The following DLGAP2 variants were observed in gnomAD, a reference collection of about 807,000 sequenced individuals.
The protein encoded by DLGAP2 is DLG associated protein 2.
A neutral mutation model predicts 100.3 loss-of-function variants in DLGAP2; 26 were observed. The observed-to-expected ratio is 0.26, with a 90% confidence interval of 0.19 to 0.36. The LOEUF (loss-of-function observed/expected upper bound fraction) is 0.36, where lower values mean the gene tolerates loss of function less well. DLGAP2 is among the 10% of genes least tolerant of loss of function. The pLI, the probability that DLGAP2 is intolerant of heterozygous loss-of-function variation, is 1.00. For missense variants in DLGAP2, 1,858 were observed against 1,453.2 expected, an observed-to-expected ratio of 1.28 and a Z score of -4.53; for synonymous variants, 886 against 630.1, an observed-to-expected ratio of 1.41 and a Z score of -6.08.
chr8:1,368,128 C>T (rs115914809), intron 3 of DLGAP2, among the ~76,000 whole-genome samples: 5 of 152,142 alleles, frequency 3.3e-5, no homozygotes, highest in African/African-American at 4.8e-5. Flanking sequence ...TAGGCATGTG[C>T]GTGTATGCAT....
At chr8:1,176,465 G>C (rs1041847114) in intron 2 of DLGAP2, among the ~76,000 whole-genome samples, 1 of 152,206 alleles carries the variant, frequency 6.6e-6, no homozygotes, top group East Asian at 1.9e-4. Flanking sequence ...GATGTAGAAC[G>C]ATGAATGTAG....
rs551763811 is a variant in DLGAP2, at chr8:1,189,783, C to T, written c.74-69068C>T. Among the ~76,000 whole-genome samples, 10 of 152,286 alleles carry T rather than the reference C, an allele frequency of 6.6e-5. No homozygotes were observed. The East Asian group carries it at 1.7e-3, about 27-fold the overall frequency. The stretch of plus-strand genomic sequence containing the variant: ...GGCAGATACAGCCGCCTGCCTGGGC[C>T]ACTTCCATAAGCGGGAGGGCTGCAG... On this transcript the variant is annotated intron_variant, in intron 2 of 14. Coordinates refer to ENST00000637795, the MANE Select transcript of DLGAP2 (RefSeq NM_001346810.2).
chr8:1,350,401 GT>G (rs1356374762), intron 3 of DLGAP2, among the ~76,000 whole-genome samples: 4 of 88,652 alleles, frequency 4.5e-5, no homozygotes, highest in East Asian at 5.6e-4. Flanking sequence ...GGCCGCGCGG[GT>G]CCTGACTGTG....
intron 2 of DLGAP2, among the ~76,000 whole-genome samples, chr8:1,076,943 G>A (rs1803635520): frequency 7.1e-6 from 1 of 140,808 alleles, no homozygotes; most frequent in South Asian, 2.5e-4. Context: ...AGTCTGTCCC[G>A]GGCCCCCCAA....
At chr8:1,033,724 G>A (rs1230901171) in intron 2 of DLGAP2, among the ~76,000 whole-genome samples, 1 of 150,712 alleles carries the variant, frequency 6.6e-6, no homozygotes, top group East Asian at 1.9e-4. Flanking sequence ...GACCCCGCGT[G>A]TCACCGCGAG....
chr8:1,152,065 C>A (rs556727819), intron 2 of DLGAP2, among the ~76,000 whole-genome samples: 1 of 152,254 alleles, frequency 6.6e-6, no homozygotes, highest in African/African-American at 2.4e-5. Flanking sequence ...CAACTATATT[C>A]CATTTTAGTT....
intron 2 of DLGAP2, among the ~76,000 whole-genome samples, chr8:1,066,053 G>C (rs140154553): frequency 5.9e-4 from 90 of 152,338 alleles, no homozygotes; most frequent in South Asian, 1.9e-3. Flanking sequence ...GCTGGCTTGT[G>C]GGGCAGGTCT....
chr8:1,295,042 A>G (rs950058693), intron 3 of DLGAP2, among the ~76,000 whole-genome samples: 3 of 152,330 alleles, frequency 2.0e-5, no homozygotes, highest in Admixed American at 2.0e-4. Flanking sequence ...ATCGCTGAGC[A>G]GAAGGAAAGG....
intron 1 of DLGAP2, among the ~76,000 whole-genome samples, chr8:846,544 A>T (rs1797074807): frequency 6.6e-6 from 1 of 152,184 alleles, no homozygotes; most frequent in African/African-American, 2.4e-5. Flanking sequence ...TTGGCGTGTG[A>T]CAGTTGGGTT....
intron 2 of DLGAP2, among the ~76,000 whole-genome samples, chr8:1,028,351 G>A (rs1450250329): frequency 3.6e-5 from 5 of 139,750 alleles, no homozygotes; most frequent in Admixed American, 7.1e-5. Context: ...TCAGGCGCCC[G>A]TTATTCTCCA....
intron 2 of DLGAP2, among the ~76,000 whole-genome samples, chr8:1,023,694 T>C (rs1661095632): frequency 6.6e-6 from 1 of 152,056 alleles, no homozygotes; most frequent in African/African-American, 2.4e-5. Context: ...CCAGCACCTT[T>C]TCCCCATCGC....
At chr8:1,669,649 G>A (rs925583191) in intron 9 of DLGAP2, 94 bp from the exon 10 acceptor site, 1 of 774,158 alleles carries the variant, frequency 1.3e-6, no homozygotes, top group South Asian at 1.3e-5. Flanking sequence ...GGCGCTGGTA[G>A]CTAGGCATGC....
intron 2 of DLGAP2, among the ~76,000 whole-genome samples, chr8:931,985 T>C (rs554804062): frequency 3.9e-5 from 6 of 152,346 alleles, no homozygotes; most frequent in Admixed American, 2.6e-4. Context: ...ATGTACGTTT[T>C]ATTTGTTAAT....
chr8:1,243,492 T>C (rs1563276101), intron 2 of DLGAP2, among the ~76,000 whole-genome samples: 1 of 152,232 alleles, frequency 6.6e-6, no homozygotes, highest in Non-Finnish European at 1.5e-5. Context: ...GACTTGGCCA[T>C]TGCATTATTT....
chr8:1,688,470 T>G (rs756631960), intron 12 of DLGAP2: 5 of 152,198 alleles, frequency 3.3e-5, no homozygotes, highest in Non-Finnish European at 7.3e-5. Context: ...AATTAGGTGA[T>G]ATTCAGGAAC....
At chr8:864,536 C>CAA (rs1390605274) in intron 1 of DLGAP2, among the ~76,000 whole-genome samples, 4 of 152,148 alleles carry the variant, frequency 2.6e-5, no homozygotes, top group African/African-American at 9.7e-5. Flanking sequence ...TATATAAGGC[C>CAA]AATCTCTGCA....
rs1801361563 is a variant in DLGAP2, at chr8:1,541,565, C to G, written c.173-7061C>G. 1.3e-5 allele frequency among the ~76,000 whole-genome samples: 2 copies of G among 152,100 alleles called. 1 individual carries two copies. The highest frequency in any genetic ancestry group is 4.1e-4 in the South Asian group (2 of 4,820). On this transcript the variant is annotated intron_variant, in intron 4 of 14. Transcript: ENST00000637795. ...CCTTTGAACTATGGAAAAATAAAGG[C>G]AAACCTCAAACAGATAAGGAAATGC...
intron 8 of DLGAP2, among the ~76,000 whole-genome samples, chr8:1,647,313 C>T (rs1014081811): frequency 4.6e-5 from 7 of 151,606 alleles, no homozygotes; most frequent in East Asian, 3.9e-4. Flanking sequence ...GGTGAAACCC[C>T]ATCTCTACTA....
intron 3 of DLGAP2, among the ~76,000 whole-genome samples, chr8:1,487,657 G>A (rs1457887679): frequency 6.6e-6 from 1 of 152,160 alleles, no homozygotes; most frequent in Non-Finnish European, 1.5e-5. Context: ...CTGATTTCAT[G>A]GTGTAGGAAT....
Sources: allele counts gnomAD v4.1 joint callset (sites outside exome capture counted in the v4.1 genomes callset), GRCh38; gene constraint gnomAD v4.1.1; transcripts MANE v1.5; gene names NCBI Gene and HGNC (gene_info 2026-07-23, HGNC 2026-07-21).